Variants in ZNF610 observed in about 807,000 individuals in gnomAD.
ZNF610 encodes the protein zink finger protein.
A neutral mutation model predicts 14.1 loss-of-function variants in ZNF610; 14 were observed. The observed-to-expected ratio is 0.99, with a 90% CI of 0.65 to 1.55. The LOEUF is 1.55. Ranked by LOEUF, ZNF610 falls within the 40% of genes most tolerant of loss-of-function variation. The pLI is 0.00. For synonymous variants in ZNF610, 185 were observed against 187.6 expected (o/e 0.99, Z 0.11); for missense variants, 530 against 558.0 (o/e 0.95, Z 0.51).
At chr19:52,356,991 G>T (rs954615497) in intron 5 of ZNF610, among the ~76,000 whole-genome samples, 1 of 152,106 alleles carries the variant, frequency 6.6e-6, no homozygotes, top group African/African-American at 2.4e-5. Flanking sequence ...CTATTCTGAT[G>T]CTGTGTACCT....
rs751177289 is a variant in ZNF610, at chr19:52,366,321, C to T, written c.943C>T (p.Pro315Ser). The T allele has an allele frequency of 6.2e-6, 10 of 1,614,124 alleles. No homozygotes were observed. Among genetic ancestry groups the T allele is most frequent in the Non-Finnish European group, 7.6e-6 (9 of 1,180,024 alleles). Residue 315 changes from proline (P) to serine (S), a missense_variant, in exon 6 of 6, where the codon CCT becomes TCT. Pro to Ser is a moderately conservative substitution (Grantham distance 74). Coordinates refer to ENST00000403906, the MANE Select transcript of ZNF610 (RefSeq NM_001161425.2). ...THLVIHTGEK[P>S]YKCNECGKNF... ...TCTTGTAATCCATACTGGAGAGAAA[C>T]CTTACAAATGTAATGAGTGTGGCAA...
chr19:52,357,051 C>G (rs1200051563), intron 5 of ZNF610, among the ~76,000 whole-genome samples: 3 of 152,136 alleles, frequency 2.0e-5, no homozygotes, highest in Non-Finnish European at 4.4e-5. Flanking sequence ...CCAATACTGC[C>G]CCCTTTCAGA....
chr19:52,357,007 G>A (rs1357144070), intron 5 of ZNF610, among the ~76,000 whole-genome samples: 5 of 151,468 alleles, frequency 3.3e-5, no homozygotes, highest in Admixed American at 2.6e-4. Context: ...TACCTGGAGA[G>A]CGTGTCACAT....
chr19:52,354,646 T>C, intron 5 of ZNF610, among the ~76,000 whole-genome samples: 1 of 148,462 alleles, frequency 6.7e-6, no homozygotes, highest in Admixed American at 6.8e-5. Context: ...TGGTGTGATC[T>C]CGGCTCACTG....
intron 5 of ZNF610, among the ~76,000 whole-genome samples, chr19:52,361,436 C>G (rs1985769648): frequency 6.6e-6 from 1 of 152,080 alleles, no homozygotes; most frequent in African/African-American, 2.4e-5. Context: ...CTCGGCCTCC[C>G]AAATTGCTGG....
intron 5 of ZNF610, among the ~76,000 whole-genome samples, chr19:52,359,575 G>T (rs971814129): frequency 3.3e-5 from 5 of 152,182 alleles, no homozygotes; most frequent in African/African-American, 1.2e-4. Context: ...TTTGATATCT[G>T]AGAGTGTTTT....
At position 52,353,739 on chromosome 19, in the gene ZNF610, C is replaced by G. The variant is rs115821660; in HGVS notation, c.121C>G (p.Leu41Val). 2.5e-6 allele frequency: 4 copies of G among 1,613,772 alleles called. No individual in the cohort carries two copies. In the African/African-American group the frequency reaches 5.3e-5, roughly 22 times the overall value. The stretch of plus-strand genomic sequence containing the variant: ...ATTCTCTCAGGAGGAGTGGAAATCC[C>G]TGGACCCTGGACAGAGGGCTTTATA... The part of the protein sequence containing the change: ...IEFSQEEWKS[L>V]DPGQRALYRD... The change falls in exon 4 of 6, where the codon CTG (leucine) becomes GTG (valine). Residue 41 changes from leucine to valine, a missense_variant. Transcript: ENST00000403906.
At chr19:52,360,239 G>T (rs1985713565) in intron 5 of ZNF610, among the ~76,000 whole-genome samples, 1 of 152,232 alleles carries the variant, frequency 6.6e-6, no homozygotes, top group South Asian at 2.1e-4. Context: ...TGAATGGAGG[G>T]CAGGAAAAGG....
intron 1 of ZNF610, among the ~76,000 whole-genome samples, chr19:52,342,818 C>G (rs1217775705): frequency 3.3e-5 from 5 of 152,138 alleles, no homozygotes; most frequent in Admixed American, 3.3e-4. Context: ...AGCCACCGCG[C>G]CTGGCCCTGT....
At chr19:52,345,532 A>G (rs958440097) in intron 1 of ZNF610, 4 of 152,100 alleles carry the variant, frequency 2.6e-5, no homozygotes, top group Non-Finnish European at 4.4e-5. Context: ...ATGAGAACAC[A>G]TAGCTGAAGA....
In ZNF610 at chr19:52,362,606, G is replaced by T. The variant is rs559280134; in HGVS notation, c.320-3092G>T. Among the ~76,000 whole-genome samples, 8 of 152,222 alleles carry T rather than the reference G, an allele frequency of 5.3e-5. No individual in the cohort carries two copies. The East Asian group carries it at 1.4e-3, about 26-fold the overall frequency. On this transcript the variant is annotated intron_variant, in intron 5 of 5. Coordinates refer to ENST00000403906, the MANE Select transcript of ZNF610 (RefSeq NM_001161425.2). The stretch of plus-strand genomic sequence containing the variant: ...TTTTTGTTGCATTTTATAAGTTCTG[G>T]TGTGTTCTGTTTTCCTTTCCTTTTC...
At chr19:52,335,017 C>T (rs1169498218), upstream of ZNF610, among the ~76,000 whole-genome samples, 5 of 148,400 alleles carry the variant, frequency 3.4e-5, no homozygotes, top group Non-Finnish European at 5.9e-5. Flanking sequence ...ACAGTTGGGC[C>T]GGGTGCAGTG....
chr19:52,336,263 C>T lies in ZNF610; in HGVS notation c.-501C>T. 1 of 270,770 alleles carries T rather than the reference C, an allele frequency of 3.7e-6. No homozygotes were observed. The highest frequency in any genetic ancestry group is 7.0e-6 in the Non-Finnish European group (1 of 141,894). The allele number at this position is 270,770 out of a possible 1,614,324, so 16.8% of individuals were successfully genotyped here. On this transcript the variant is annotated 5_prime_UTR_variant, in exon 1 of 6. Transcript: ENST00000403906. ...TTTTTGCAGACCCGGAAGCGGATCG[C>T]GTGGGTAGAAGGTCACACCGCAGCG...
chr19:52,362,761 A>G lies in ZNF610; in HGVS notation c.320-2937A>G, dbSNP rs77877250. Among the ~76,000 whole-genome samples the G allele has an allele frequency of 4.6e-3, 696 of 152,272 alleles. 5 individuals carry two copies. The highest frequency in any genetic ancestry group is 0.016 in the African/African-American group (649 of 41,556). On this transcript the variant is annotated intron_variant, in intron 5 of 5. Transcript: ENST00000403906. Reference sequence around the variant, plus strand: ...TGTTAATTTTGTTTTATTACATTATAATGGGAATCAATACTTTGTAGACTT... The same window carrying G: ...TGTTAATTTTGTTTTATTACATTATGATGGGAATCAATACTTTGTAGACTT...
intron 3 of ZNF610, among the ~76,000 whole-genome samples, chr19:52,351,482 T>G (rs1234607846): frequency 6.6e-6 from 1 of 150,572 alleles, no homozygotes; most frequent in Admixed American, 6.6e-5. Flanking sequence ...AAGAAATCAG[T>G]CACCTCTCTT....
intron 1 of ZNF610, among the ~76,000 whole-genome samples, chr19:52,338,913 C>G (rs1010957377): frequency 6.8e-6 from 1 of 146,842 alleles, no homozygotes; most frequent in African/African-American, 2.7e-5. Flanking sequence ...GCTCAGCATA[C>G]GGAGGACCCG....
At position 52,336,358 on chromosome 19, in the gene ZNF610, G is replaced by A. The variant is rs112450527; in HGVS notation, c.-406G>A. On this transcript the variant is annotated 5_prime_UTR_variant, in exon 1 of 6. Transcript: ENST00000403906. ...CCCCGCGCTTCTGTACCCGGGATCTGAGAGTCAACACAGACCTTGAAATCC... is the reference window on the plus strand; with the variant it reads ...CCCCGCGCTTCTGTACCCGGGATCTAAGAGTCAACACAGACCTTGAAATCC... The A allele has an allele frequency of 9.3e-5, 26 of 279,326 alleles. No individual in the cohort carries two copies. The highest frequency in any genetic ancestry group is 3.8e-4 in the African/African-American group (16 of 42,566). 17.3% of individuals were successfully genotyped at this position (279,326 alleles called of 1,614,324 possible). A position where few individuals can be genotyped will look rare whatever the true frequency, so the allele number is the denominator to read the frequency against.
rs1984436647 is a variant in ZNF610, at chr19:52,337,408, C to T, written c.-258+902C>T. ...AGAGATAGGGAGGGCAAGAAACAGGCAGAATGGAAATTGGGGACAATCAAA... is the reference window on the plus strand; with the variant it reads ...AGAGATAGGGAGGGCAAGAAACAGGTAGAATGGAAATTGGGGACAATCAAA... On this transcript the variant is annotated intron_variant, in intron 1 of 5. Transcript: ENST00000403906. Among the ~76,000 whole-genome samples, 3 of 151,712 alleles carry T rather than the reference C, an allele frequency of 2.0e-5. No individual in the cohort carries two copies. The South Asian group carries it at 6.2e-4, about 32-fold the overall frequency.
At chr19:52,348,828 T>C (rs1315570686) in intron 2 of ZNF610, among the ~76,000 whole-genome samples, 3 of 152,106 alleles carry the variant, frequency 2.0e-5, no homozygotes, top group African/African-American at 4.8e-5. Flanking sequence ...CTGGGATCCA[T>C]AGAGAGGGGA....
Sources: allele counts gnomAD v4.1 joint callset (sites outside exome capture counted in the v4.1 genomes callset), GRCh38; gene constraint gnomAD v4.1.1; transcripts MANE v1.5; gene names NCBI Gene and HGNC (gene_info 2026-07-23, HGNC 2026-07-21).